The following CAMK1D variants were observed in gnomAD, a reference collection of about 807,000 sequenced individuals.
CAMK1D encodes calcium/calmodulin-dependent protein kinase type 1D.
Under a neutral mutation model 47.7 loss-of-function variants are expected in CAMK1D, and 9 were observed. The ratio of observed to expected loss-of-function variants is 0.19; its 90% CI spans 0.11 to 0.33. The LOEUF (loss-of-function observed/expected upper bound fraction) is 0.33. Ranked by LOEUF, CAMK1D falls within the 10% of genes least tolerant of loss-of-function variation. CAMK1D has a pLI of 1.00. For missense variants in CAMK1D, 291 were observed against 488.7 expected, an observed-to-expected ratio of 0.60 and a Z score of 3.81; for synonymous variants, 184 against 184.9, an observed-to-expected ratio of 0.99 and a Z score of 0.04.
chr10:12,814,156 A>G (rs1325982718), intron 6 of CAMK1D, 39 bp from the exon 7 acceptor site: 1 of 1,284,600 alleles, frequency 7.8e-7, no homozygotes, highest in African/African-American at 1.5e-5. Flanking sequence ...CACACTGGTT[A>G]TGCAGATGTT....
At chr10:12,747,569 C>T (rs1020977340) in intron 3 of CAMK1D, among the ~76,000 whole-genome samples, 3 of 152,276 alleles carry the variant, frequency 2.0e-5, no homozygotes, top group African/African-American at 7.2e-5. Flanking sequence ...TTCAAGCGAT[C>T]CTCCTGCCTT....
intron 5 of CAMK1D, among the ~76,000 whole-genome samples, chr10:12,788,544 G>A (rs1837835051): frequency 6.6e-6 from 1 of 152,228 alleles, no homozygotes; most frequent in Non-Finnish European, 1.5e-5. Context: ...CTGCCTCAGG[G>A]ACACTTTCCA....
At chr10:12,648,834 G>A (rs1839881855) in intron 2 of CAMK1D, among the ~76,000 whole-genome samples, 2 of 152,054 alleles carry the variant, frequency 1.3e-5, no homozygotes, top group South Asian at 4.1e-4. Context: ...TCAGGGGCTA[G>A]TGTTCATCTG....
intron 2 of CAMK1D, among the ~76,000 whole-genome samples, chr10:12,584,786 C>T (rs1315644044): frequency 2.6e-5 from 4 of 151,986 alleles, no homozygotes; most frequent in Non-Finnish European, 5.9e-5. Flanking sequence ...TGCTACTGCA[C>T]TCCAGCCTGG....
chr10:12,539,670 T>A (rs757568178), intron 1 of CAMK1D, among the ~76,000 whole-genome samples: 1 of 152,074 alleles, frequency 6.6e-6, no homozygotes, highest in Non-Finnish European at 1.5e-5. Flanking sequence ...CAGGGAGAAA[T>A]CTGTCTCCAA....
chr10:12,689,950 A>G (rs1832810241), intron 3 of CAMK1D, among the ~76,000 whole-genome samples: 1 of 152,180 alleles, frequency 6.6e-6, no homozygotes, highest in Non-Finnish European at 1.5e-5. Context: ...TACAAAGTAA[A>G]CAAGACATTA....
At chr10:12,596,357 C>T (rs530274275) in intron 2 of CAMK1D, among the ~76,000 whole-genome samples, 2 of 152,146 alleles carry the variant, frequency 1.3e-5, no homozygotes, top group South Asian at 2.1e-4. Context: ...TTGATTGGCT[C>T]CAGCTAGCGG....
At chr10:12,717,120 A>C (rs2130772737) in intron 3 of CAMK1D, among the ~76,000 whole-genome samples, 1 of 152,318 alleles carries the variant, frequency 6.6e-6, no homozygotes, top group African/African-American at 2.4e-5. Flanking sequence ...AGCAGACATA[A>C]TATCTTTTTA....
intron 3 of CAMK1D, among the ~76,000 whole-genome samples, chr10:12,742,638 G>C (rs1767013312): frequency 6.6e-6 from 1 of 152,194 alleles, no homozygotes; most frequent in Non-Finnish European, 1.5e-5. Context: ...TCAGCTCAGT[G>C]AAGTTCTTAG....
At chr10:12,531,947 A>G (rs925907521) in intron 1 of CAMK1D, among the ~76,000 whole-genome samples, 1 of 152,240 alleles carries the variant, frequency 6.6e-6, no homozygotes, top group Non-Finnish European at 1.5e-5. Context: ...ATAATCTAGG[A>G]ATCAGAGAAT....
intron 5 of CAMK1D, among the ~76,000 whole-genome samples, chr10:12,777,503 G>T (rs1837311914): frequency 6.6e-6 from 1 of 151,126 alleles, no homozygotes; most frequent in Non-Finnish European, 1.5e-5. Context: ...CTCCCGAGTA[G>T]CCAGGATTAC....
At position 12,828,772 on chromosome 10, in the gene CAMK1D, T is replaced by A. The variant is rs188569446; in HGVS notation, c.1043T>A (p.Leu348Gln). 516 of 1,613,078 alleles carry A rather than the reference T, an allele frequency of 3.2e-4. 1 individual carries two copies. The highest frequency in any genetic ancestry group is 2.0e-5 in the Non-Finnish European group (23 of 1,179,346). The part of the protein sequence containing the change: ...SLSLASQKDC[L>Q]APSTLCSFIS... ...CCACTTCTGCTGTTCCCTGCAGGTCTGGCACCTTCCACGCTCTGTAGTTTC... is the reference window on the plus strand; with the variant it reads ...CCACTTCTGCTGTTCCCTGCAGGTCAGGCACCTTCCACGCTCTGTAGTTTC... The change falls in exon 11 of 11, where the codon CTG (leucine) becomes CAG (glutamine). Residue 348 changes from leucine to glutamine, a missense_variant. Around this residue, in one of 2 missense-constraint regions of CAMK1D, gnomAD observed 72 missense variants for 64.4 expected, o/e 1.12. Transcript: ENST00000619168.
At chr10:12,805,891 T>C (rs1329890033) in intron 6 of CAMK1D, among the ~76,000 whole-genome samples, 1 of 152,160 alleles carries the variant, frequency 6.6e-6, no homozygotes, top group Non-Finnish European at 1.5e-5. Context: ...TCACCACCCT[T>C]GGAGGGCTCA....
chr10:12,510,583 G>C lies in CAMK1D; in HGVS notation c.93-42642G>C, dbSNP rs552933909. Among the ~76,000 whole-genome samples, 9 of 152,344 alleles carry C rather than the reference G, an allele frequency of 5.9e-5. No homozygotes were observed. The East Asian group carries it at 1.3e-3, about 23-fold the overall frequency. ...TTTTCACTACTGTGGCTGCAAGCAAGTCAGGCAGAATCAGACTCTTTGCCA... is the reference window on the plus strand; with the variant it reads ...TTTTCACTACTGTGGCTGCAAGCAACTCAGGCAGAATCAGACTCTTTGCCA... On this transcript the variant is annotated intron_variant, in intron 1 of 10. Coordinates refer to ENST00000619168, the MANE Select transcript of CAMK1D (RefSeq NM_153498.4).
intron 1 of CAMK1D, among the ~76,000 whole-genome samples, chr10:12,406,090 G>T (rs537745708): frequency 6.6e-6 from 1 of 152,280 alleles, no homozygotes; most frequent in East Asian, 1.9e-4. Context: ...GGGATTAGCG[G>T]TTGGCTTGTT....
At chr10:12,691,735 G>A (rs1832939288) in intron 3 of CAMK1D, among the ~76,000 whole-genome samples, 1 of 151,908 alleles carries the variant, frequency 6.6e-6, no homozygotes, top group Non-Finnish European at 1.5e-5. Context: ...ACAAGCATGA[G>A]CCACCGCATC....
chr10:12,612,577 G>A (rs1838663099), intron 2 of CAMK1D, among the ~76,000 whole-genome samples: 1 of 152,110 alleles, frequency 6.6e-6, no homozygotes, highest in African/African-American at 2.4e-5. Context: ...CAGGATCAGA[G>A]CAAGAGTCAG....
chr10:12,547,958 G>C (rs910254670), intron 1 of CAMK1D, among the ~76,000 whole-genome samples: 4 of 152,162 alleles, frequency 2.6e-5, no homozygotes, highest in Non-Finnish European at 5.9e-5. Context: ...GGCTCGGAGC[G>C]ATGGCAGCTC....
intron 2 of CAMK1D, among the ~76,000 whole-genome samples, chr10:12,638,707 G>A (rs915576996): frequency 2.5e-4 from 38 of 152,144 alleles, no homozygotes; most frequent in African/African-American, 8.0e-4. Flanking sequence ...GAGTGCAATC[G>A]TGTCTGCTGC....
Sources: allele counts gnomAD v4.1 joint callset (sites outside exome capture counted in the v4.1 genomes callset), GRCh38; gene constraint gnomAD v4.1.1; regional missense constraint gnomAD v4.1.1; transcripts MANE v1.5; gene names NCBI Gene and HGNC (gene_info 2026-07-23, HGNC 2026-07-21).